Variants in ZNF536 observed in about 807,000 individuals in gnomAD.
The protein encoded by ZNF536 is zinc finger protein 536.
A neutral mutation model predicts 84.5 loss-of-function variants in ZNF536; 13 were observed. The observed-to-expected ratio is 0.15, with a 90% CI of 0.10 to 0.24. The LOEUF (loss-of-function observed/expected upper bound fraction) is 0.24, where lower values mean the gene tolerates loss of function less well. Ranked by LOEUF, ZNF536 falls within the 10% of genes least tolerant of loss-of-function variation. The pLI is 1.00. For synonymous variants in ZNF536, 811 were observed against 742.5 expected (o/e 1.09, Z -1.50); for missense variants, 1,536 against 1,747.5 (o/e 0.88, Z 2.16).
At chr19:30,259,271 C>T (rs535268274) in intron 1 of ZNF536, among the ~76,000 whole-genome samples, 82 of 152,240 alleles carry the variant, frequency 5.4e-4, no homozygotes, top group African/African-American at 2.0e-3. Flanking sequence ...AGAGAAAAGA[C>T]CTCACACTCT....
chr19:30,385,610 T>C (rs2049309550), intron 1 of ZNF536, among the ~76,000 whole-genome samples: 1 of 152,148 alleles, frequency 6.6e-6, no homozygotes, highest in Non-Finnish European at 1.5e-5. Flanking sequence ...GGCATCCTTC[T>C]CCTTCTTCCA....
intron 2 of ZNF536, among the ~76,000 whole-genome samples, chr19:30,480,128 G>T (rs2054013261): frequency 6.6e-6 from 1 of 152,216 alleles, no homozygotes; most frequent in African/African-American, 2.4e-5. Context: ...TTTCAGCACT[G>T]CTTTCCCAAG....
chr19:30,387,047 C>A (rs536622850), intron 1 of ZNF536, among the ~76,000 whole-genome samples: 1 of 152,136 alleles, frequency 6.6e-6, no homozygotes, highest in African/African-American at 2.4e-5. Context: ...AGACGAGAGT[C>A]GGTCTGTTTG....
At chr19:30,670,287 G>A (rs547650862) in intron 1 of ZNF536, among the ~76,000 whole-genome samples, 18 of 152,190 alleles carry the variant, frequency 1.2e-4, no homozygotes, top group African/African-American at 1.4e-4. Flanking sequence ...TAGTGCACTG[G>A]GATCAGCATG....
At chr19:30,460,827 G>T (rs2053100286) in intron 2 of ZNF536, among the ~76,000 whole-genome samples, 1 of 152,134 alleles carries the variant, frequency 6.6e-6, no homozygotes, top group Non-Finnish European at 1.5e-5. Flanking sequence ...CAGAAAAACA[G>T]TGGTTAGCTC....
intron 1 of ZNF536, among the ~76,000 whole-genome samples, chr19:30,414,135 T>C (rs967146617): frequency 3.3e-5 from 5 of 150,446 alleles, no homozygotes; most frequent in African/African-American, 7.3e-5. Context: ...ACCTATTTAA[T>C]GTTTTGGCCT....
chr19:30,559,116 G>A (rs1169544699), downstream of ZNF536, among the ~76,000 whole-genome samples: 2 of 152,232 alleles, frequency 1.3e-5, no homozygotes, highest in African/African-American at 4.8e-5. Context: ...TAAAAAGTGA[G>A]AGATTCGGAG....
chr19:30,652,470 T>C (rs1016298517), intron 1 of ZNF536, among the ~76,000 whole-genome samples: 5 of 152,180 alleles, frequency 3.3e-5, no homozygotes, highest in African/African-American at 1.2e-4. Flanking sequence ...TATTCTGTAA[T>C]TATCGATAGA....
intron 1 of ZNF536, among the ~76,000 whole-genome samples, chr19:30,672,933 G>A (rs955457397): frequency 6.6e-6 from 1 of 152,184 alleles, no homozygotes; most frequent in Non-Finnish European, 1.5e-5. Context: ...TTATAAGCCA[G>A]CCCCTATCCT....
chr19:30,363,382 G>T (rs1364234938), intron 3 of ZNF536, among the ~76,000 whole-genome samples: 2 of 152,130 alleles, frequency 1.3e-5, no homozygotes, highest in East Asian at 3.9e-4. Flanking sequence ...GGATTCGCGG[G>T]GACCTGAGAA....
chr19:30,673,302 G>A (rs979776807), intron 1 of ZNF536, among the ~76,000 whole-genome samples: 1 of 152,020 alleles, frequency 6.6e-6, no homozygotes, highest in Non-Finnish European at 1.5e-5. Context: ...CATCACTGTT[G>A]TTTCATCACT....
intron 2 of ZNF536, among the ~76,000 whole-genome samples, chr19:30,517,263 T>C (rs1408276018): frequency 6.6e-6 from 1 of 152,188 alleles, no homozygotes; most frequent in Non-Finnish European, 1.5e-5. Flanking sequence ...CCCATCATAA[T>C]TACGAGAATT....
chr19:30,247,471 C>T (rs1430750171), intron 1 of ZNF536, among the ~76,000 whole-genome samples: 1 of 152,140 alleles, frequency 6.6e-6, no homozygotes, highest in Non-Finnish European at 1.5e-5. Flanking sequence ...CACACTGGTC[C>T]AGGTAACCCT....
rs556835599 is a variant in ZNF536, at chr19:30,617,333, CTTTTTTTTTTTTTTTT to C, written c.169+67837_169+67852del. Among the ~76,000 whole-genome samples, 296 of 37,726 alleles carry C rather than the reference CTTTTTTTTTTTTTTTT, an allele frequency of 7.8e-3. 5 individuals are homozygous for C. Among genetic ancestry groups the C allele is most frequent in the African/African-American group, 0.017 (253 of 14,636 alleles). 24.7% of individuals were successfully genotyped at this position (37,726 alleles called of 152,430 possible). On this transcript the variant is annotated intron_variant, in intron 1 of 1. Coordinates refer to the ZNF536 transcript ENST00000592773. ...GAGTCCACCATATCTGAATAGCTTA[CTTTTTTTTTTTTTTTT>C]TTTTTTTTTTTTTTTTTATGAGATG...
intron 1 of ZNF536, among the ~76,000 whole-genome samples, chr19:30,679,582 C>T (rs1346191954): frequency 6.6e-6 from 1 of 152,152 alleles, no homozygotes; most frequent in African/African-American, 2.4e-5. Context: ...CACCTCTTTA[C>T]ATCCAGGAGG....
chr19:30,612,860 A>C (rs1226698663), intron 1 of ZNF536, among the ~76,000 whole-genome samples: 2 of 152,166 alleles, frequency 1.3e-5, no homozygotes, highest in African/African-American at 4.8e-5. Context: ...CCAGTGGCCC[A>C]CTAATGTCCT....
At chr19:30,451,815 A>G (rs541466170) in intron 2 of ZNF536, among the ~76,000 whole-genome samples, 4 of 152,344 alleles carry the variant, frequency 2.6e-5, no homozygotes, top group South Asian at 2.1e-4. Context: ...GAGGAGCTCC[A>G]TGAAGCTCTC....
intron 4 of ZNF536, chr19:30,554,291 C>A (rs1229732965): frequency 3.7e-5 from 4 of 107,794 alleles, no homozygotes; most frequent in Non-Finnish European, 5.3e-5. Flanking sequence ...TGGAGTTTTG[C>A]TCTGTTGCCT....
At chr19:30,387,769 C>T (rs902760166) in intron 1 of ZNF536, among the ~76,000 whole-genome samples, 22 of 152,194 alleles carry the variant, frequency 1.4e-4, no homozygotes, top group South Asian at 6.2e-4. Context: ...TCCACTCCAT[C>T]GCTTGGAAAC....
Sources: allele counts gnomAD v4.1 joint callset (sites outside exome capture counted in the v4.1 genomes callset), GRCh38; gene constraint gnomAD v4.1.1; transcripts MANE v1.5; gene names NCBI Gene and HGNC (gene_info 2026-07-23, HGNC 2026-07-21).